The following GALNS variants were observed in gnomAD, a reference collection of about 807,000 sequenced individuals.
The protein encoded by GALNS is N-acetylgalactosamine-6-sulfatase.
Under a neutral mutation model 65.9 loss-of-function variants are expected in GALNS, and 65 were observed. The observed-to-expected ratio is 0.99, with a 90% confidence interval of 0.81 to 1.21. The LOEUF (loss-of-function observed/expected upper bound fraction) is 1.21. Among genes scored for constraint, GALNS ranks in the 50% most tolerant of loss-of-function variants. The pLI, the probability that GALNS is intolerant of heterozygous loss-of-function variation, is 0.00. For synonymous variants in GALNS, 346 were observed against 288.9 expected, an observed-to-expected ratio of 1.20 and a Z score of -2.00; for missense variants, 776 against 700.7, an observed-to-expected ratio of 1.11 and a Z score of -1.21.
At chr16:88,839,151 C>T (rs572090406) in intron 4 of GALNS, among the ~76,000 whole-genome samples, 22 of 151,278 alleles carry the variant, frequency 1.5e-4, no homozygotes, top group East Asian at 1.9e-4. Context: ...GACACTCGTG[C>T]GCCCACGTCC....
chr16:88,848,497 G>A (rs913468573), intron 1 of GALNS, among the ~76,000 whole-genome samples: 19 of 151,468 alleles, frequency 1.3e-4, no homozygotes, highest in Admixed American at 9.9e-4. Context: ...GCCAGGCGTG[G>A]TTGCAGGCGC....
At chr16:88,847,114 A>G (rs1412790820) in intron 1 of GALNS, among the ~76,000 whole-genome samples, 1 of 152,058 alleles carries the variant, frequency 6.6e-6, no homozygotes. Flanking sequence ...TCTTAAGCAC[A>G]CTGGAGACCA....
intron 11 of GALNS, among the ~76,000 whole-genome samples, chr16:88,823,227 G>A (rs931334718): frequency 1.3e-5 from 2 of 152,232 alleles, no homozygotes; most frequent in African/African-American, 4.8e-5. Flanking sequence ...AATCCCTACA[G>A]AAACCCTAAG....
chr16:88,843,589 T>C (rs1158084302), intron 1 of GALNS: 1 of 206,228 alleles, frequency 4.8e-6, no homozygotes, highest in Admixed American at 5.2e-5. Context: ...GACGCAGACA[T>C]GCAGTAGAGA....
At chr16:88,827,072 C>A (rs1263350434) in intron 9 of GALNS, 2 of 595,240 alleles carry the variant, frequency 3.4e-6, no homozygotes, top group East Asian at 2.8e-5. Context: ...TCCCTGGCAC[C>A]CTTCTCTGCC....
chr16:88,842,947 G>T, intron 1 of GALNS, 118 bp from the exon 2 acceptor site: 1 of 1,536,360 alleles, frequency 6.5e-7, no homozygotes, highest in Non-Finnish European at 8.7e-7. Context: ...ACCACCCTGT[G>T]TCCCAGCCAG....
intron 11 of GALNS, among the ~76,000 whole-genome samples, chr16:88,823,157 G>C (rs1910427359): frequency 6.6e-6 from 1 of 152,184 alleles, no homozygotes. Context: ...GAAGGGAGGG[G>C]AGGGAAAGGG....
chr16:88,821,641 G>A (rs1374344118), intron 12 of GALNS, among the ~76,000 whole-genome samples: 2 of 152,228 alleles, frequency 1.3e-5, no homozygotes, highest in Non-Finnish European at 2.9e-5. Flanking sequence ...CCCGTCCAGA[G>A]GGTGCAGGAG....
chr16:88,843,751 G>GCGGT, intron 1 of GALNS: 1 of 157,958 alleles, frequency 6.3e-6, no homozygotes, highest in South Asian at 1.8e-4. Context: ...ATCCATTTCC[G>GCGGT]CTAAGGCCAC....
At chr16:88,817,024 G>T in intron 13 of GALNS, 5 of 985,452 alleles carry the variant, frequency 5.1e-6, no homozygotes, top group Non-Finnish European at 6.0e-6. Context: ...TGTGTGGCTC[G>T]TTTTTGCCGA....
intron 1 of GALNS, among the ~76,000 whole-genome samples, chr16:88,851,205 T>C (rs1025016340): frequency 2.0e-5 from 3 of 152,138 alleles, no homozygotes; most frequent in Non-Finnish European, 4.4e-5. Flanking sequence ...GAACCACCTT[T>C]CTTCTCTCCC....
intron 7 of GALNS, 24 bp from the exon 8 acceptor site, chr16:88,835,376 T>A (rs1248816493): frequency 6.2e-7 from 1 of 1,613,012 alleles, no homozygotes; most frequent in South Asian, 1.1e-5. Flanking sequence ...ACAAAAGGCA[T>A]CTCCATACCT....
rs531460636 is a variant in GALNS, at chr16:88,834,286, G to GC, written c.898+926dup. ...CCCCGCAGCACACTGGGCTGTAGGCGCCCCCCGACATGGTCTGGGACGAGG... is the reference window on the plus strand; with the variant it reads ...CCCCGCAGCACACTGGGCTGTAGGCGCCCCCCCGACATGGTCTGGGACGAGG... On this transcript the variant is annotated intron_variant, in intron 8 of 13. Transcript: ENST00000268695. Among the ~76,000 whole-genome samples, 676 of 151,754 alleles carry GC rather than the reference G, an allele frequency of 4.5e-3. 10 individuals carry two copies. The highest frequency in any genetic ancestry group is 7.8e-3 in the Non-Finnish European group (530 of 67,852).
At chr16:88,855,416 A>G (rs1163409617) in intron 1 of GALNS, 1 of 702,834 alleles carries the variant, frequency 1.4e-6, no homozygotes, top group Non-Finnish European at 2.6e-6. Flanking sequence ...ATTCTGAAGC[A>G]AAGTATCTTT....
At position 88,822,822 on chromosome 16, in the gene GALNS, G is replaced by A. The variant is rs1019407568; in HGVS notation, c.1243-112C>T. 8 of 1,484,224 alleles carry A rather than the reference G, an allele frequency of 5.4e-6. No individual in the cohort carries two copies. In the Admixed American group the frequency reaches 1.6e-4, roughly 29 times the overall value. 91.9% of individuals were successfully genotyped at this position (1,484,224 alleles called of 1,614,324 possible). On this transcript the variant is annotated intron_variant, in intron 11 of 13. Coordinates refer to ENST00000268695, the MANE Select transcript of GALNS (RefSeq NM_000512.5). ...ACTGCGGCCGTGAGGGGCCTTGTCT[G>A]CCTGTGTCCTGGAGCCCCTAACTGG...
intron 9 of GALNS, among the ~76,000 whole-genome samples, chr16:88,827,963 C>T (rs116353444): frequency 0.042 from 6,351 of 152,320 alleles, 166 homozygotes; most frequent in South Asian, 0.082. Flanking sequence ...CTAGGGCAGA[C>T]GGCGATCGCC....
rs528747439 is a variant in GALNS, at chr16:88,821,497, C to T, written c.1364+1092G>A. On this transcript the variant is annotated intron_variant, in intron 12 of 13. Coordinates refer to ENST00000268695, the MANE Select transcript of GALNS (RefSeq NM_000512.5). Reference sequence around the variant, plus strand: ...CTCCAGGCTCCATGCTGCCTTCCCGCAGTCACCATCCTGGGCTTCTGAGCT... The same window carrying T: ...CTCCAGGCTCCATGCTGCCTTCCCGTAGTCACCATCCTGGGCTTCTGAGCT... Among the ~76,000 whole-genome samples, 9 of 152,354 alleles carry T rather than the reference C, an allele frequency of 5.9e-5. No individual in the cohort carries two copies. The South Asian group carries it at 1.9e-3, about 32-fold the overall frequency.
chr16:88,831,172 A>G (rs1374383949), intron 9 of GALNS, among the ~76,000 whole-genome samples: 2 of 152,076 alleles, frequency 1.3e-5, no homozygotes, highest in Non-Finnish European at 2.9e-5. Flanking sequence ...AGCAAGCCCT[A>G]CACACCGAGA....
At chr16:88,823,442 A>G (rs982838180) in intron 11 of GALNS, among the ~76,000 whole-genome samples, 1 of 152,226 alleles carries the variant, frequency 6.6e-6, no homozygotes, top group Non-Finnish European at 1.5e-5. Flanking sequence ...GCTGCAGGCC[A>G]AGGGGCTCGT....
Sources: allele counts gnomAD v4.1 joint callset (sites outside exome capture counted in the v4.1 genomes callset), GRCh38; gene constraint gnomAD v4.1.1; transcripts MANE v1.5; gene names NCBI Gene and HGNC (gene_info 2026-07-23, HGNC 2026-07-21).